Variants in PHLDA3 observed in about 807,000 individuals in gnomAD.
PHLDA3 encodes the protein pleckstrin homology-like domain family A member 3.
Under a neutral mutation model 7.6 loss-of-function variants are expected in PHLDA3, and 12 were observed. The ratio of observed to expected loss-of-function variants is 1.58; its 90% CI spans 1.01 to 2.55. The LOEUF (loss-of-function observed/expected upper bound fraction) is 2.55. Ranked by LOEUF, PHLDA3 falls within the 30% of genes most tolerant of loss-of-function variation. The pLI is 0.00. For synonymous variants in PHLDA3, 104 were observed against 85.1 expected, an observed-to-expected ratio of 1.22 and a Z score of -1.23; for missense variants, 177 against 175.6, an observed-to-expected ratio of 1.01 and a Z score of -0.05.
In PHLDA3 at chr1:201,468,934, G is replaced by C. The variant is rs1215548521; in HGVS notation, c.-148C>G. The C allele has an allele frequency of 2.3e-6, 2 of 876,752 alleles. No homozygotes were observed. Among genetic ancestry groups the C allele is most frequent in the Non-Finnish European group, 1.6e-6 (1 of 642,192 alleles). 54.3% of individuals were successfully genotyped at this position (876,752 alleles called of 1,614,324 possible). On this transcript the variant is annotated 5_prime_UTR_variant, in exon 1 of 2. Coordinates refer to ENST00000367311, the MANE Select transcript of PHLDA3 (RefSeq NM_012396.5). ...GACTGCTCCGCGCACCCACACCGCG[G>C]CCCTCAGCACCCGGCTGCCGGTGAG...
At chr1:201,466,611 C>T (rs1366714538) in intron 1 of PHLDA3, 1 of 152,128 alleles carries the variant, frequency 6.6e-6, no homozygotes. Flanking sequence ...AAGGCTAAAT[C>T]CTTTCTCAGC....
chr1:201,468,571 G>A lies in PHLDA3; in HGVS notation c.216C>T (p.Tyr72=). ...ECVESTGRHI[Y]FTLVTEGGGE... ...CGCCCCCTTCGGTCACCAGCGTGAA[G>A]TAGATGTGGCGCCCGGTGCTCTCCA... Residue 72 remains tyrosine, a synonymous_variant, in exon 1 of 2, where the codon TAC becomes TAT. Coordinates refer to ENST00000367311, the MANE Select transcript of PHLDA3 (RefSeq NM_012396.5). 6.2e-7 allele frequency: 1 copy of A among 1,614,024 alleles called. No individual in the cohort carries two copies. The highest frequency in any genetic ancestry group is 8.5e-7 in the Non-Finnish European group (1 of 1,180,030).
chr1:201,468,663 C>G lies in PHLDA3; in HGVS notation c.124G>C (p.Glu42Gln). The G allele has an allele frequency of 6.2e-7, 1 of 1,612,678 alleles. No individual in the cohort carries two copies. Among genetic ancestry groups the G allele is most frequent in the Non-Finnish European group, 8.5e-7 (1 of 1,179,834 alleles). ...GGCCGGCCGCCCGTGCCCTTGGCCT[C>G]GAAGAGCTGCAGCCCGCGTTCGGTG... Reference protein sequence around the residue: ...VLTERGLQLFEAKGTGGRPKE... With the variant: ...VLTERGLQLFQAKGTGGRPKE... Residue 42 changes from glutamate to glutamine, a missense_variant, in exon 1 of 2, where the codon GAG becomes CAG. Transcript: ENST00000367311.
chr1:201,468,415 G>A lies in PHLDA3; in HGVS notation c.372C>T (p.Thr124=), dbSNP rs760907600. ...TGCGCCCGGTGGTTTAGGACACGAG[G>A]GTCCCGGTCCCGAGGCTCTGCCGGG... ...VRARQSLGTG[T]LVS Residue 124 remains threonine, a synonymous_variant, in exon 1 of 2, where the codon ACC becomes ACT. Transcript: ENST00000367311. 6.0e-5 allele frequency: 97 copies of A among 1,613,794 alleles called. No individual in the cohort carries two copies. The highest frequency in any genetic ancestry group is 7.9e-5 in the Non-Finnish European group (93 of 1,179,932).
At chr1:201,466,748 AC>A (rs1181973318) in intron 1 of PHLDA3, 3 of 149,476 alleles carry the variant, frequency 2.0e-5, no homozygotes, top group African/African-American at 7.4e-5. Context: ...TCCGCCCCCC[AC>A]TCCCTGCCCT....
chr1:201,468,763 G>T lies in PHLDA3; in HGVS notation c.24C>A (p.Thr8=), dbSNP rs977922994. Residue 8 remains threonine, a synonymous_variant, in exon 1 of 2, where the codon ACC becomes ACA. Coordinates refer to ENST00000367311, the MANE Select transcript of PHLDA3 (RefSeq NM_012396.5). ...TCTCCAGCACGCCCTCCTTGAGCAC[G>T]GTAGCCGTCGCCGCCGCCGTCATGG... is the stretch of plus-strand genomic sequence containing the variant. The part of the protein sequence containing the change: MTAAATA[T]VLKEGVLEKR... The T allele has an allele frequency of 1.3e-6, 2 of 1,571,682 alleles. No individual in the cohort carries two copies. The highest frequency in any genetic ancestry group is 2.2e-4 in the Middle Eastern group (1 of 4,594).
rs556664751 is a variant in PHLDA3 at position 201,466,876 on chromosome 1, G to A, written c.*63-698C>T. ...CTCCAGCTTCTCCTTCCCTGGCCCA[G>A]CCAGGCCTGACTGGCACTCAGGGGC... On this transcript the variant is annotated intron_variant, in intron 1 of 1. Coordinates refer to ENST00000367311, the MANE Select transcript of PHLDA3 (RefSeq NM_012396.5). Among the ~76,000 whole-genome samples, 24 of 144,920 alleles carry A rather than the reference G, an allele frequency of 1.7e-4. No individual in the cohort carries two copies. The South Asian group carries it at 3.3e-3, about 20-fold the overall frequency.
intron 1 of PHLDA3, among the ~76,000 whole-genome samples, chr1:201,467,774 C>T (rs751447633): frequency 1.3e-5 from 2 of 152,176 alleles, no homozygotes; most frequent in Admixed American, 6.5e-5. Context: ...CCTTGGGAGC[C>T]GGACTCCTTG....
In PHLDA3 at chr1:201,468,630, G is replaced by C. The variant is rs115057664; in HGVS notation, c.157C>G (p.Leu53Val). ...AKGTGGRPKE[L>V]SFARIKAVEC... The stretch of plus-strand genomic sequence containing the variant: ...ACGGCCTTGATGCGGGCGAAGCTGA[G>C]CTCCTTGGGCCGGCCGCCCGTGCCC... The change falls in exon 1 of 2, where the codon CTC becomes GTC. Residue 53 changes from leucine to valine, a missense_variant. Physicochemically the swap from Leu to Val is conservative, Grantham distance 32 (BLOSUM62 1). Coordinates refer to ENST00000367311, the MANE Select transcript of PHLDA3 (RefSeq NM_012396.5). 1 of 1,613,424 alleles carries C rather than the reference G, an allele frequency of 6.2e-7. No individual in the cohort carries two copies. Among genetic ancestry groups the C allele is most frequent in the Non-Finnish European group, 8.5e-7 (1 of 1,179,946 alleles).
chr1:201,468,233 C>A, intron 1 of PHLDA3, 108 bp downstream of exon 1: 2 of 821,518 alleles, frequency 2.4e-6, no homozygotes, highest in South Asian at 3.9e-5. Context: ...CAGGAACCTC[C>A]CCCCTAAGAT....
chr1:201,468,186 G>A (rs950831811), intron 1 of PHLDA3, among the ~76,000 whole-genome samples, 155 bp downstream of exon 1: 2 of 152,238 alleles, frequency 1.3e-5, no homozygotes, highest in Non-Finnish European at 2.9e-5. Context: ...TGCTGGGTTG[G>A]CCACTGGCCC....
Position 201,468,255 on chromosome 1 carries a change from A to G in PHLDA3, c.*62+86T>C, listed in dbSNP as rs931333122. 7.2e-6 allele frequency: 7 copies of G among 969,130 alleles called. No individual in the cohort carries two copies. In the African/African-American group the frequency reaches 8.3e-5, roughly 11 times the overall value. 60.0% of individuals were successfully genotyped at this position (969,130 alleles called of 1,614,324 possible). A position where few individuals can be genotyped will look rare whatever the true frequency, so the allele number is the denominator to read the frequency against. On this transcript the variant is annotated intron_variant, in intron 1 of 1. Transcript: ENST00000367311. The stretch of plus-strand genomic sequence containing the variant: ...CTCCCCCCTAAGATGTCCGGCTCTG[A>G]AGTAGAATGCTAGTCCTCATTCTCT...
Position 201,468,582 on chromosome 1 carries a change from G to T in PHLDA3, c.205C>A (p.Arg69Ser). The change falls in exon 1 of 2, where the codon CGC becomes AGC. Residue 69 changes from arginine (R) to serine (S), a missense_variant. Transcript: ENST00000367311. ...KAVECVESTG[R>S]HIYFTLVTEG... ...GTCACCAGCGTGAAGTAGATGTGGCGCCCGGTGCTCTCCACGCACTCCACG... is the reference window on the plus strand; with the variant it reads ...GTCACCAGCGTGAAGTAGATGTGGCTCCCGGTGCTCTCCACGCACTCCACG... 6.2e-7 allele frequency: 1 copy of T among 1,613,974 alleles called. No homozygotes were observed. Among genetic ancestry groups the T allele is most frequent in the African/African-American group, 1.3e-5 (1 of 75,064 alleles).
chr1:201,468,308 G>A (rs764892819), intron 1 of PHLDA3, 33 bp downstream of exon 1: 54 of 1,326,104 alleles, frequency 4.1e-5, no homozygotes, highest in Non-Finnish European at 5.6e-5. Context: ...GGGAGGGAAG[G>A]AGAGAAGAGG....
chr1:201,468,995 C>T lies in PHLDA3; in HGVS notation c.-209G>A. 1 of 472,520 alleles carries T rather than the reference C, an allele frequency of 2.1e-6. No individual in the cohort carries two copies. Among genetic ancestry groups the T allele is most frequent in the Non-Finnish European group, 3.4e-6 (1 of 291,532 alleles). The allele number at this position is 472,520 out of a possible 1,614,324, so 29.3% of individuals were successfully genotyped here. On this transcript the variant is annotated 5_prime_UTR_variant, in exon 1 of 2. Coordinates refer to ENST00000367311, the MANE Select transcript of PHLDA3 (RefSeq NM_012396.5). ...TGCCCCCAGCGCGCTCCGCGCCCAC[C>T]GCCCCGCTTCAGCCGGCACCCGCTC...
rs578210177 is a variant in PHLDA3, at chr1:201,468,652, G to A, written c.135C>T (p.Gly45=). Residue 45 remains glycine (G), a synonymous_variant, in exon 1 of 2, where the codon GGC becomes GGT. Coordinates refer to ENST00000367311, the MANE Select transcript of PHLDA3 (RefSeq NM_012396.5). ...ERGLQLFEAK[G]TGGRPKELSF... ...TGAGCTCCTTGGGCCGGCCGCCCGT[G>A]CCCTTGGCCTCGAAGAGCTGCAGCC... 2 of 1,612,884 alleles carry A rather than the reference G, an allele frequency of 1.2e-6. No homozygotes were observed. Among genetic ancestry groups the A allele is most frequent in the Admixed American group, 1.7e-5 (1 of 60,000 alleles).
At chr1:201,467,080 G>A (rs1265313306) in intron 1 of PHLDA3, among the ~76,000 whole-genome samples, 4 of 152,178 alleles carry the variant, frequency 2.6e-5, no homozygotes, top group African/African-American at 9.7e-5. Flanking sequence ...GGAGGCCAAG[G>A]TGGGCAGATT....
chr1:201,466,440 A>G (rs1406057082), intron 1 of PHLDA3: 1 of 152,160 alleles, frequency 6.6e-6, no homozygotes, highest in African/African-American at 2.4e-5. Flanking sequence ...GTGGGAGGGC[A>G]TTAACAGGAC....
rs1663717027 is a variant in PHLDA3, at chr1:201,468,069, G to C, written c.*62+272C>G. On this transcript the variant is annotated intron_variant, in intron 1 of 1. Coordinates refer to ENST00000367311, the MANE Select transcript of PHLDA3 (RefSeq NM_012396.5). ...CAGGGCTGAACCAACTTGAAAGAAG[G>C]CTCATCTCACCCAGGTATCCCCCTC... Among the ~76,000 whole-genome samples, 3 of 152,168 alleles carry C rather than the reference G, an allele frequency of 2.0e-5. No individual in the cohort carries two copies. In the South Asian group the frequency reaches 6.2e-4, roughly 32 times the overall value.
Sources: allele counts gnomAD v4.1 joint callset (sites outside exome capture counted in the v4.1 genomes callset), GRCh38; gene constraint gnomAD v4.1.1; transcripts MANE v1.5; gene names NCBI Gene and HGNC (gene_info 2026-07-23, HGNC 2026-07-21).